TSFM: variants seen among roughly 807,000 people sequenced by gnomAD.
TSFM encodes elongation factor Ts, mitochondrial.
A neutral mutation model predicts 33.4 loss-of-function variants in TSFM; 29 were observed. The observed-to-expected ratio is 0.87, with a 90% CI of 0.65 to 1.18. TSFM has a LOEUF of 1.18. Ranked by LOEUF, TSFM falls within the 50% of genes most tolerant of loss-of-function variation. TSFM has a pLI of 0.00. For synonymous variants in TSFM, 178 were observed against 163.5 expected, an observed-to-expected ratio of 1.09 and a Z score of -0.68; for missense variants, 394 against 395.6, an observed-to-expected ratio of 1.00 and a Z score of 0.04.
rs746484092 is a variant in TSFM, at chr12:57,796,178, A to T, written c.573A>T (p.Gly191=). 1.3e-6 allele frequency: 2 copies of T among 1,570,988 alleles called. No individual in the cohort carries two copies. The highest frequency in any genetic ancestry group is 2.7e-5 in the African/African-American group (2 of 73,052). The change falls in exon 6 of 6, where the codon GGA becomes GGT. Residue 191 remains glycine, a splice_region_variant and synonymous_variant. Transcript: ENST00000652027. ...SLKDQLALAI[G]KLGENMILKR... is the part of the protein sequence containing the mutation. ...GGTTTTTTGTTTTTGCTTTAATAGG[A>T]AAACTGGGAGAAAACATGATTCTTA...
intron 2 of TSFM, 56 bp downstream of exon 2, chr12:57,783,339 G>A (rs1955540154): frequency 6.2e-7 from 1 of 1,605,166 alleles, no homozygotes; most frequent in South Asian, 1.1e-5. Flanking sequence ...CAGACTCTTG[G>A]GGCGGTCACG....
chr12:57,789,273 GTTTAAAAAAAATCTTT>G (rs1247569438), intron 4 of TSFM, among the ~76,000 whole-genome samples: 1 of 150,908 alleles, frequency 6.6e-6, no homozygotes, highest in East Asian at 2.0e-4. Flanking sequence ...CATCATCACT[GTTTAAAAAAAATCTTT>G]TTGTAAGTAT....
chr12:57,795,104 A>G (rs1295805481), intron 5 of TSFM, among the ~76,000 whole-genome samples: 1 of 133,472 alleles, frequency 7.5e-6, no homozygotes, highest in Middle Eastern at 4.8e-3. Flanking sequence ...TATATATATA[A>G]ATTTTTTTTT....
Position 57,796,251 on chromosome 12 carries a change from T to TA in TSFM, c.647dup (p.Tyr216Ter), listed in dbSNP as rs1955736908. ...GCCATCTGGGTTCTACGTTGGCTCT[T>TA]ATGTCCACGGAGCAATGCAGAGTCC... is the stretch of plus-strand genomic sequence containing the variant. ...KVPSGFYVGS[Y>*]VHGAMQSPSL... The change falls in exon 6 of 6, where the codon TAT (tyrosine) becomes TAAT (stop). Residue 216 changes from tyrosine to a stop codon, truncating the protein, a stop_gained and frameshift_variant. Transcript: ENST00000652027. LOFTEE classifies it high-confidence loss of function. 6 of 1,613,456 alleles carry TA rather than the reference T, an allele frequency of 3.7e-6. No homozygotes were observed. The highest frequency in any genetic ancestry group is 5.1e-6 in the Non-Finnish European group (6 of 1,179,622).
rs562332156 is a variant in TSFM at position 57,795,613 on chromosome 12, GTTGTTTTTT to G, written c.572-546_572-538del. 7.6e-3 allele frequency among the ~76,000 whole-genome samples: 1,151 copies of G among 152,096 alleles called. 8 individuals carry two copies. Among genetic ancestry groups the G allele is most frequent in the Non-Finnish European group, 0.012 (835 of 67,960 alleles). ...ACCACAACCTATACAACCTATGTTT[GTTGTTTTTT>G]TTGTTTTTTTTGTTTTTGGAGAGAG... On this transcript the variant is annotated intron_variant, in intron 5 of 5. Transcript: ENST00000652027.
intron 4 of TSFM, among the ~76,000 whole-genome samples, chr12:57,788,017 C>T (rs934332485): frequency 3.3e-5 from 5 of 152,154 alleles, no homozygotes; most frequent in African/African-American, 1.2e-4. Flanking sequence ...GTCATTCTGC[C>T]TTTGACTCAG....
downstream of TSFM, chr12:57,801,081 T>G: frequency 7.2e-7 from 1 of 1,384,506 alleles, no homozygotes; most frequent in East Asian, 2.3e-5. Flanking sequence ...CTGTAGCATT[T>G]GTGTGTTCTC....
intron 2 of TSFM, chr12:57,783,913 G>A: frequency 1.4e-6 from 1 of 701,800 alleles, no homozygotes; most frequent in Non-Finnish European, 2.6e-6. Context: ...ACCGCGCCCG[G>A]CTGACTTTAG....
downstream of TSFM, chr12:57,801,341 A>C: frequency 1.4e-6 from 1 of 704,126 alleles, no homozygotes; most frequent in Non-Finnish European, 2.4e-6. Flanking sequence ...GGATAAGTAA[A>C]AATGAAAATC....
At chr12:57,794,258 T>C (rs1192308369) in intron 5 of TSFM, among the ~76,000 whole-genome samples, 6 of 152,186 alleles carry the variant, frequency 3.9e-5, no homozygotes, top group African/African-American at 1.4e-4. Context: ...ATTTTAAAAT[T>C]TGTTTTGGTT....
At position 57,783,243 on chromosome 12, in the gene TSFM, G is replaced by A. The variant is rs1259105949; in HGVS notation, c.191G>A (p.Cys64Tyr). The change falls in exon 2 of 6, where the codon TGC becomes TAC. Residue 64 changes from cysteine to tyrosine, a missense_variant. By Grantham distance (194) the Cys-to-Tyr change is radical (BLOSUM62 -2). Coordinates refer to ENST00000652027, the MANE Select transcript of TSFM (RefSeq NM_005726.6). Reference sequence around the variant, plus strand: ...AAAACAGGCTACTCCTTTGTAAATTGCAAGAAAGCTCTGGAGACTTGTGGC... The same window carrying A: ...AAAACAGGCTACTCCTTTGTAAATTACAAGAAAGCTCTGGAGACTTGTGGC... ...RRKTGYSFVN[C>Y]KKALETCGGD... 1.9e-6 allele frequency: 3 copies of A among 1,613,766 alleles called. No individual in the cohort carries two copies. Among genetic ancestry groups the A allele is most frequent in the South Asian group, 1.1e-5 (1 of 91,088 alleles).
chr12:57,790,715 A>G (rs910229987), intron 4 of TSFM, among the ~76,000 whole-genome samples: 1 of 148,596 alleles, frequency 6.7e-6, no homozygotes, highest in African/African-American at 2.5e-5. Flanking sequence ...ATATAGTTTT[A>G]TATTTCTTTG....
At chr12:57,795,292 G>A (rs368348333) in intron 5 of TSFM, among the ~76,000 whole-genome samples, 3 of 151,162 alleles carry the variant, frequency 2.0e-5, no homozygotes, top group Non-Finnish European at 4.4e-5. Flanking sequence ...TAGAGACGGG[G>A]TTTCTCCATG....
chr12:57,794,386 T>A (rs1955703136), intron 5 of TSFM, among the ~76,000 whole-genome samples: 1 of 152,244 alleles, frequency 6.6e-6, no homozygotes, highest in African/African-American at 2.4e-5. Flanking sequence ...TTTGGACTTC[T>A]GTTAGAAGAG....
Position 57,782,877 on chromosome 12 carries a change from G to A in TSFM, c.57+19G>A. On this transcript the variant is annotated intron_variant, in intron 1 of 5. Coordinates refer to ENST00000652027, the MANE Select transcript of TSFM (RefSeq NM_005726.6). Reference sequence around the variant, plus strand: ...CTACCCGGTGAGAAGTCCTGGTGCTGGTACCGACCTGCTGTCCCTGCAGCT... The same window carrying A: ...CTACCCGGTGAGAAGTCCTGGTGCTAGTACCGACCTGCTGTCCCTGCAGCT... 6.3e-7 allele frequency: 1 copy of A among 1,585,286 alleles called. No individual in the cohort carries two copies. The highest frequency in any genetic ancestry group is 8.6e-7 in the Non-Finnish European group (1 of 1,166,316).
downstream of TSFM, chr12:57,801,068 C>T: frequency 8.1e-7 from 1 of 1,231,336 alleles, no homozygotes; most frequent in Non-Finnish European, 1.2e-6. Flanking sequence ...TGCCTGTGAG[C>T]ATCTGTAGCA....
chr12:57,784,655 G>T (rs1955564963), intron 2 of TSFM, among the ~76,000 whole-genome samples: 1 of 151,810 alleles, frequency 6.6e-6, no homozygotes. Context: ...GAGGCAAGCG[G>T]ATCACCTGAG....
chr12:57,788,992 GTC>G (rs922855827), intron 4 of TSFM, among the ~76,000 whole-genome samples: 9 of 141,754 alleles, frequency 6.3e-5, no homozygotes, highest in African/African-American at 2.4e-4. Flanking sequence ...TTGAGATGGA[GTC>G]TCTCTGTCAC....
intron 4 of TSFM, 38 bp downstream of exon 4, chr12:57,787,200 T>A: frequency 6.5e-7 from 1 of 1,540,962 alleles, no homozygotes; most frequent in Non-Finnish European, 8.8e-7. Context: ...CTGAATTTGC[T>A]GTCCTCATTG....
Sources: allele counts gnomAD v4.1 joint callset (sites outside exome capture counted in the v4.1 genomes callset), GRCh38; gene constraint gnomAD v4.1.1; transcripts MANE v1.5; gene names NCBI Gene and HGNC (gene_info 2026-07-23, HGNC 2026-07-21).